Variants in WWOX observed in about 807,000 individuals in gnomAD.
The protein encoded by WWOX is WW domain containing oxidoreductase, also known as WW domain-containing oxidoreductase.
Under a neutral mutation model 46.2 loss-of-function variants are expected in WWOX, and 69 were observed. The observed-to-expected ratio is 1.49, with a 90% CI of 1.23 to 1.82. The LOEUF (loss-of-function observed/expected upper bound fraction) is 1.82, where lower values mean the gene tolerates loss of function less well. WWOX is among the 40% of genes most tolerant of loss of function. The pLI, the probability that WWOX is intolerant of heterozygous loss-of-function variation, is 0.00. For synonymous variants in WWOX, 359 were observed against 202.6 expected, an observed-to-expected ratio of 1.77 and a Z score of -6.56; for missense variants, 919 against 542.6, an observed-to-expected ratio of 1.69 and a Z score of -6.89.
At chr16:78,479,074 T>G (rs970411168) in intron 8 of WWOX, among the ~76,000 whole-genome samples, 2 of 152,210 alleles carry the variant, frequency 1.3e-5, no homozygotes, top group African/African-American at 4.8e-5. Flanking sequence ...TAAGTCAGAT[T>G]TAGCATTACT....
intron 8 of WWOX, among the ~76,000 whole-genome samples, chr16:79,007,816 A>G (rs2151373191): frequency 6.6e-6 from 1 of 152,356 alleles, no homozygotes; most frequent in Middle Eastern, 3.4e-3. Context: ...TGGTAGAGAA[A>G]GTAATCATCA....
At chr16:78,420,536 G>T (rs1387100071) in intron 6 of WWOX, among the ~76,000 whole-genome samples, 1 of 152,082 alleles carries the variant, frequency 6.6e-6, no homozygotes, top group African/African-American at 2.4e-5. Context: ...CGTATTGTAT[G>T]GTTCCATTTA....
At chr16:78,351,167 A>AC (rs1279176908) in intron 5 of WWOX, among the ~76,000 whole-genome samples, 3 of 152,182 alleles carry the variant, frequency 2.0e-5, no homozygotes, top group Admixed American at 1.3e-4. Context: ...GCTTTTAGGC[A>AC]CATACCAAGA....
intron 8 of WWOX, among the ~76,000 whole-genome samples, chr16:79,035,493 G>T (rs1331755920): frequency 6.6e-6 from 1 of 152,140 alleles, no homozygotes; most frequent in Non-Finnish European, 1.5e-5. Flanking sequence ...AATATTTTAT[G>T]ATTAGCAGTA....
At chr16:78,537,801 G>T (rs754365144) in intron 8 of WWOX, among the ~76,000 whole-genome samples, 5 of 152,022 alleles carry the variant, frequency 3.3e-5, no homozygotes, top group African/African-American at 9.7e-5. Context: ...GGTAATCAGG[G>T]GTGTGCTGGG....
chr16:78,325,131 C>A (rs1355004686), intron 5 of WWOX, among the ~76,000 whole-genome samples: 1 of 152,134 alleles, frequency 6.6e-6, no homozygotes, highest in African/African-American at 2.4e-5. Flanking sequence ...GCTGTGGCAG[C>A]CTTTAAAGCT....
intron 8 of WWOX, among the ~76,000 whole-genome samples, chr16:78,812,244 G>C (rs538315245): frequency 6.6e-6 from 1 of 152,168 alleles, no homozygotes; most frequent in South Asian, 2.1e-4. Context: ...GCATATTTAG[G>C]ATAATGCCCC....
At chr16:78,662,582 C>T (rs2047241244) in intron 8 of WWOX, among the ~76,000 whole-genome samples, 1 of 152,166 alleles carries the variant, frequency 6.6e-6, no homozygotes, top group Non-Finnish European at 1.5e-5. Context: ...ACAGAAGGAG[C>T]ACCAGGCAGT....
intron 8 of WWOX, among the ~76,000 whole-genome samples, chr16:78,912,835 A>C (rs1426705153): frequency 6.6e-6 from 1 of 151,986 alleles, no homozygotes; most frequent in Non-Finnish European, 1.5e-5. Context: ...CTCCCTCAAG[A>C]GGTCAGACGT....
intron 4 of WWOX, 41 bp downstream of exon 4, chr16:78,115,195 A>C: frequency 1.2e-6 from 2 of 1,610,782 alleles, no homozygotes; most frequent in Non-Finnish European, 8.5e-7. Context: ...GGACTGCTAT[A>C]ATGAGATCCA....
intron 8 of WWOX, among the ~76,000 whole-genome samples, chr16:78,578,670 G>T (rs1439493972): frequency 1.3e-5 from 2 of 152,142 alleles, no homozygotes; most frequent in African/African-American, 2.4e-5. Flanking sequence ...TTGTTATGCA[G>T]TGTTTGAAAT....
At chr16:78,100,348 G>T (rs1000450872) in intron 1 of WWOX, 2 of 692,318 alleles carry the variant, frequency 2.9e-6, no homozygotes, top group African/African-American at 2.0e-5. Context: ...TACCTACTGG[G>T]TTCAGACAAT....
intron 8 of WWOX, among the ~76,000 whole-genome samples, chr16:79,092,415 T>C (rs1336445060): frequency 6.6e-6 from 1 of 152,156 alleles, no homozygotes; most frequent in East Asian, 1.9e-4. Context: ...TATCACTTAG[T>C]TGTTCCAACA....
intron 8 of WWOX, among the ~76,000 whole-genome samples, chr16:78,949,504 A>T (rs997811062): frequency 6.6e-6 from 1 of 152,092 alleles, no homozygotes; most frequent in African/African-American, 2.4e-5. Context: ...CTTTTGTGGG[A>T]TGATGAGTGT....
At chr16:79,112,227 G>A (rs568901473) in intron 8 of WWOX, among the ~76,000 whole-genome samples, 14 of 152,108 alleles carry the variant, frequency 9.2e-5, no homozygotes, top group African/African-American at 2.9e-4. Flanking sequence ...CTCTTGGTTT[G>A]TGTCTACTGA....
rs1467755310 is a variant in WWOX at position 78,347,287 on chromosome 16, C to G, written c.517-39573C>G. On this transcript the variant is annotated intron_variant, in intron 5 of 8. Coordinates refer to ENST00000566780, the MANE Select transcript of WWOX (RefSeq NM_016373.4). ...ACCCTTTCTCCCTCTGGCCAATGCT[C>G]CTTCCCCTGTAGATCATACCCATTC... Among the ~76,000 whole-genome samples, 2 of 116,092 alleles carry G rather than the reference C, an allele frequency of 1.7e-5. 1 individual carries two copies. 76.2% of individuals were successfully genotyped at this position (116,092 alleles called of 152,430 possible).
intron 5 of WWOX, among the ~76,000 whole-genome samples, chr16:78,291,335 C>T (rs2079853962): frequency 1.3e-5 from 2 of 152,178 alleles, no homozygotes; most frequent in Admixed American, 1.3e-4. Flanking sequence ...TGTTGGCGGC[C>T]TTTCAGATAA....
At chr16:79,101,941 A>G (rs866275310) in intron 8 of WWOX, among the ~76,000 whole-genome samples, 11 of 150,262 alleles carry the variant, frequency 7.3e-5, no homozygotes, top group Non-Finnish European at 1.3e-4. Context: ...TCCAAGCTAA[A>G]CAATTCTGGA....
At chr16:79,189,300 C>G (rs917582438) in intron 8 of WWOX, among the ~76,000 whole-genome samples, 3 of 151,892 alleles carry the variant, frequency 2.0e-5, no homozygotes, top group African/African-American at 7.3e-5. Context: ...CTTTGTCACC[C>G]AGGCTGGAGT....
Sources: allele counts gnomAD v4.1 joint callset (sites outside exome capture counted in the v4.1 genomes callset), GRCh38; gene constraint gnomAD v4.1.1; transcripts MANE v1.5; gene names NCBI Gene and HGNC (gene_info 2026-07-23, HGNC 2026-07-21).